The following CTBP2 variants were observed in gnomAD, a reference collection of about 807,000 sequenced individuals.
The protein encoded by CTBP2 is C-terminal binding protein 2.
Under a neutral mutation model 80.3 loss-of-function variants are expected in CTBP2, and 30 were observed. That is an observed-to-expected ratio of 0.37 (90% CI 0.28 to 0.51). The LOEUF (loss-of-function observed/expected upper bound fraction) is 0.51. Ranked by LOEUF, CTBP2 falls within the 20% of genes least tolerant of loss-of-function variation. CTBP2 has a pLI of 0.93. For synonymous variants in CTBP2, 594 were observed against 587.4 expected (o/e 1.01, Z -0.16); for missense variants, 1,212 against 1,375.3 (o/e 0.88, Z 1.88).
At chr10:125,128,536 A>T (rs925928820) in intron 1 of CTBP2, among the ~76,000 whole-genome samples, 26 of 152,186 alleles carry the variant, frequency 1.7e-4, no homozygotes, top group Admixed American at 1.6e-3. Context: ...TGAACTCCAC[A>T]GCCCACGCCC....
At position 125,119,941 on chromosome 10, in the gene CTBP2, G is replaced by T. The variant is rs536484602; in HGVS notation, c.-205-8848C>A. Among the ~76,000 whole-genome samples, 4 of 152,338 alleles carry T rather than the reference G, an allele frequency of 2.6e-5. No individual in the cohort carries two copies. In the East Asian group the frequency reaches 5.8e-4, roughly 22 times the overall value. On this transcript the variant is annotated intron_variant, in intron 1 of 10. Coordinates refer to the CTBP2 transcript ENST00000337195. ...ATTGTAAAGTGGCCCCATTTAGGAT[G>T]TAAGTCCCTGCGTGGCTGCTGTACT...
intron 2 of CTBP2, among the ~76,000 whole-genome samples, chr10:125,059,109 C>A (rs1425297208): frequency 6.6e-6 from 1 of 152,054 alleles, no homozygotes; most frequent in Non-Finnish European, 1.5e-5. Context: ...ACTTTTGTCT[C>A]CTTTGCTGGT....
At chr10:125,089,467 G>C (rs1848462754) in intron 2 of CTBP2, among the ~76,000 whole-genome samples, 2 of 152,182 alleles carry the variant, frequency 1.3e-5, no homozygotes, top group African/African-American at 4.8e-5. Context: ...TCAACCTGGA[G>C]CTATTAAAGG....
At chr10:124,997,600 C>T (rs944213750) in intron 4 of CTBP2, 1 of 291,770 alleles carries the variant, frequency 3.4e-6, no homozygotes, top group African/African-American at 2.1e-5. Context: ...CTACACGAGC[C>T]CCAAGCCTGG....
At chr10:125,124,183 C>T (rs941642838) in intron 1 of CTBP2, among the ~76,000 whole-genome samples, 3 of 152,182 alleles carry the variant, frequency 2.0e-5, no homozygotes, top group Non-Finnish European at 4.4e-5. Flanking sequence ...CCCTGCTTCT[C>T]GAGCCTGGGG....
intron 2 of CTBP2, among the ~76,000 whole-genome samples, chr10:125,052,672 T>C (rs963311428): frequency 6.6e-6 from 1 of 152,164 alleles, no homozygotes; most frequent in African/African-American, 2.4e-5. Flanking sequence ...CGGATGGTGA[T>C]TGTGCCTTTG....
Position 125,028,038 on chromosome 10 carries a change from G to C in CTBP2, c.-279C>G, listed in dbSNP as rs1350209928. ...AGTCCCGGAGAGGAGGCTGTCCCCA[G>C]CCTGCCAGGTCCCCCTTCCTGGCTG... is the stretch of plus-strand genomic sequence containing the variant. On this transcript the variant is annotated 5_prime_UTR_variant, in exon 1 of 9. Coordinates refer to ENST00000309035, the MANE Select transcript of CTBP2 (RefSeq NM_022802.3). 1.4e-6 allele frequency: 1 copy of C among 695,656 alleles called. No individual in the cohort carries two copies. Among genetic ancestry groups the C allele is most frequent in the African/African-American group, 1.8e-5 (1 of 54,676 alleles). The allele number at this position is 695,656 out of a possible 1,614,324, so 43.1% of individuals were successfully genotyped here.
At chr10:125,161,885 C>G (rs779838180), upstream of CTBP2, among the ~76,000 whole-genome samples, 1 of 152,154 alleles carries the variant, frequency 6.6e-6, no homozygotes, top group African/African-American at 2.4e-5. Context: ...GCCGTCCTGA[C>G]GTCTCAAGGT....
At chr10:125,005,624 G>C (rs767173873) in intron 1 of CTBP2, 18 of 1,612,892 alleles carry the variant, frequency 1.1e-5, no homozygotes, top group Non-Finnish European at 1.5e-5. Context: ...CGCGAGATCC[G>C]CAACAGCACC....
intron 1 of CTBP2, among the ~76,000 whole-genome samples, chr10:125,142,227 C>T (rs1857958286): frequency 6.6e-6 from 1 of 152,150 alleles, no homozygotes; most frequent in Non-Finnish European, 1.5e-5. Flanking sequence ...CCTGTCCAGA[C>T]GAGCCAAGCT....
rs145880955 is a variant in CTBP2, at chr10:125,073,685, T to C, written c.-101-34530A>G. On this transcript the variant is annotated intron_variant, in intron 2 of 10. Coordinates refer to the CTBP2 transcript ENST00000337195. Reference sequence around the variant, plus strand: ...TTCATATAGGCATTTATACAAATTGTTATGGCTATAGCAGCTAAGTTTCAC... The same window carrying C: ...TTCATATAGGCATTTATACAAATTGCTATGGCTATAGCAGCTAAGTTTCAC... Among the ~76,000 whole-genome samples, 652 of 152,356 alleles carry C rather than the reference T, an allele frequency of 4.3e-3. 3 individuals are homozygous for C. Among genetic ancestry groups the C allele is most frequent in the African/African-American group, 0.014 (575 of 41,590 alleles).
intron 1 of CTBP2, among the ~76,000 whole-genome samples, chr10:125,120,266 G>A (rs1283414970): frequency 2.6e-5 from 4 of 152,198 alleles, no homozygotes; most frequent in Non-Finnish European, 1.5e-5. Context: ...CCAGCAGGAT[G>A]AGCAGGAAGA....
intron 1 of CTBP2, among the ~76,000 whole-genome samples, chr10:125,021,473 A>G (rs1027839424): frequency 6.6e-6 from 1 of 152,212 alleles, no homozygotes; most frequent in Non-Finnish European, 1.5e-5. Context: ...CAAGAAACCC[A>G]GTCTAGCCTA....
chr10:125,025,958 G>T, intron 1 of CTBP2: 1 of 1,267,292 alleles, frequency 7.9e-7, no homozygotes, highest in Non-Finnish European at 1.1e-6. Flanking sequence ...CTTCTTGTTT[G>T]GTGGTGTGTG....
intron 2 of CTBP2, among the ~76,000 whole-genome samples, chr10:125,048,163 G>A (rs535384487): frequency 4.6e-5 from 7 of 152,086 alleles, no homozygotes; most frequent in East Asian, 2.0e-4. Flanking sequence ...ACCCCCACGT[G>A]GGCTGACCTT....
intron 1 of CTBP2, among the ~76,000 whole-genome samples, chr10:125,013,919 C>T (rs1372217007): frequency 6.6e-6 from 1 of 152,172 alleles, no homozygotes; most frequent in African/African-American, 2.4e-5. Context: ...TGAGGTAGGT[C>T]TTAAAGTTCT....
At chr10:125,051,771 C>A (rs1192336239) in intron 2 of CTBP2, among the ~76,000 whole-genome samples, 2 of 152,112 alleles carry the variant, frequency 1.3e-5, no homozygotes, top group Non-Finnish European at 2.9e-5. Flanking sequence ...GCCCCAGGAC[C>A]TCAGAATGGA....
rs1186043267 is a variant in CTBP2, at chr10:125,066,031, G to A, written c.-101-26876C>T. Among the ~76,000 whole-genome samples the A allele has an allele frequency of 6.6e-6, 1 of 150,870 alleles. No homozygotes were observed. The highest frequency in any genetic ancestry group is 1.5e-5 in the Non-Finnish European group (1 of 67,948). ...TGGGAGGATCGCTTGAGCCCAGAAG[G>A]CAGAGGTTACAGTGAGCCCTGATTG... On this transcript the variant is annotated intron_variant, in intron 2 of 10. Coordinates refer to the CTBP2 transcript ENST00000337195. This position sits in a 1 kb window ranked among gnomAD's most constrained non-coding sequence, Gnocchi z 4.1.
At chr10:125,130,840 G>A (rs550831056) in intron 1 of CTBP2, among the ~76,000 whole-genome samples, 68 of 152,156 alleles carry the variant, frequency 4.5e-4, no homozygotes, top group African/African-American at 1.5e-3. Context: ...GCCAAGCATC[G>A]CCCCCTCATT....
Sources: gnomAD v4.1 joint callset for allele counts (sites outside exome capture counted in the v4.1 genomes callset) on GRCh38, gnomAD v4.1.1 for gene constraint, Gnocchi (gnomAD v3.1) non-coding constraint, MANE v1.5 for transcripts, NCBI Gene and HGNC (gene_info 2026-07-23, HGNC 2026-07-21) for gene names.